HYDIN: variants seen among roughly 807,000 people sequenced by gnomAD.
The protein encoded by HYDIN is axonemal central pair apparatus protein HYDIN.
HYDIN carries 132 observed loss-of-function variants against 403.9 expected under a neutral mutation model. The ratio of observed to expected loss-of-function variants is 0.33; its 90% CI spans 0.28 to 0.38. The LOEUF is 0.38. Among genes scored for constraint, HYDIN ranks in the 10% least tolerant of loss-of-function variants. The pLI, the probability that HYDIN is intolerant of heterozygous loss-of-function variation, is 1.00. For missense variants in HYDIN, 2,827 were observed against 5,009.5 expected, an observed-to-expected ratio of 0.56 and a Z score of 13.15; for synonymous variants, 1,202 against 1,891.7, an observed-to-expected ratio of 0.64 and a Z score of 9.46.
chr16:71,189,550 G>A (rs1389425748), intron 1 of HYDIN, among the ~76,000 whole-genome samples: 6 of 151,974 alleles, frequency 3.9e-5, no homozygotes, highest in South Asian at 2.1e-4. Flanking sequence ...GGCGGATCAC[G>A]CGGTCAGGAG....
intron 3 of HYDIN, among the ~76,000 whole-genome samples, chr16:71,181,864 TAGAAATAC>T (rs1355059581): frequency 1.3e-5 from 2 of 151,852 alleles, no homozygotes; most frequent in Non-Finnish European, 2.9e-5. Context: ...ACAAAAAATA[TAGAAATAC>T]AGAACATAAA....
chr16:70,839,930 A>G (rs2037699879), intron 76 of HYDIN, 134 bp downstream of exon 76: 1 of 575,588 alleles, frequency 1.7e-6, no homozygotes, highest in Admixed American at 3.1e-5. Context: ...CCTAGGATTC[A>G]TACCCACTTT....
chr16:70,810,111 T>C (rs575178799), intron 84 of HYDIN, 104 bp from the exon 85 acceptor site: 94 of 1,023,176 alleles, frequency 9.2e-5, no homozygotes, highest in Non-Finnish European at 1.4e-4. Flanking sequence ...GCAGAAATAG[T>C]GCACATGATC....
chr16:71,193,337 T>C (rs2087529389), intron 1 of HYDIN, among the ~76,000 whole-genome samples: 1 of 152,238 alleles, frequency 6.6e-6, no homozygotes, highest in African/African-American at 2.4e-5. Flanking sequence ...CTTCCAATGT[T>C]TCTACTTAAC....
intron 17 of HYDIN, among the ~76,000 whole-genome samples, chr16:71,061,630 T>C (rs1282894837): frequency 6.6e-6 from 1 of 152,074 alleles, no homozygotes; most frequent in Non-Finnish European, 1.5e-5. Context: ...TAGGCTAATA[T>C]GAGCCATGAG....
intron 15 of HYDIN, among the ~76,000 whole-genome samples, chr16:71,066,246 A>G (rs568965891): frequency 6.6e-6 from 1 of 152,324 alleles, no homozygotes; most frequent in East Asian, 1.9e-4. Context: ...AAAGGACCAC[A>G]TTAGGGTTTT....
intron 1 of HYDIN, among the ~76,000 whole-genome samples, chr16:71,210,600 C>T: frequency 6.6e-6 from 1 of 151,772 alleles, no homozygotes; most frequent in East Asian, 1.9e-4. Flanking sequence ...TACATTCAAC[C>T]CCCAAATCAC....
intron 59 of HYDIN, 76 bp from the exon 60 acceptor site, chr16:70,882,971 C>T: frequency 8.4e-7 from 1 of 1,190,122 alleles, no homozygotes; most frequent in Non-Finnish European, 1.2e-6. Context: ...ATTTGGAACT[C>T]TGGATTCTCA....
Position 70,920,875 on chromosome 16 carries a change from G to T in HYDIN, c.7501C>A (p.Pro2501Thr). The T allele has an allele frequency of 6.2e-7, 1 of 1,608,054 alleles. No individual in the cohort carries two copies. The highest frequency in any genetic ancestry group is 1.1e-5 in the South Asian group (1 of 90,480). Residue 2501 changes from proline (P) to threonine (T), a missense_variant, in exon 46 of 86, where the codon CCC (proline) becomes ACC (threonine). Transcript: ENST00000393567. ...PHEPDDQRQV[P>T]LGGRRGRKDR... ...TTGCGGCCCCTGCGCCCACCCAAGG[G>T]GACCTGGCGCTGGTCGTCGGGCTCA...
chr16:70,938,688 A>G lies in HYDIN; in HGVS notation c.6921T>C (p.Tyr2307=), dbSNP rs369621670. 2 of 1,613,618 alleles carry G rather than the reference A, an allele frequency of 1.2e-6. No homozygotes were observed. Among genetic ancestry groups the G allele is most frequent in the African/African-American group, 1.3e-5 (1 of 74,918 alleles). The change falls in exon 44 of 86, where the codon TAT becomes TAC. Residue 2307 remains tyrosine (Y), a synonymous_variant. Coordinates refer to ENST00000393567, the MANE Select transcript of HYDIN (RefSeq NM_001270974.2). ...ERLQNMDEEE[Y]DALTEEEKLT... is the part of the protein sequence containing the mutation. ...GTTTCTCCTCCTCAGTCAGGGCATC[A>G]TATTCTTCCTCATCCATGTTTTGGA...
chr16:71,217,344 A>G (rs930465510), intron 1 of HYDIN, among the ~76,000 whole-genome samples: 9 of 152,188 alleles, frequency 5.9e-5, no homozygotes, highest in Non-Finnish European at 8.8e-5. Context: ...CTTTCTCCAG[A>G]ATGAGGAGCC....
chr16:70,859,366 C>T (rs2143611758), intron 71 of HYDIN, among the ~76,000 whole-genome samples: 1 of 152,256 alleles, frequency 6.6e-6, no homozygotes, highest in East Asian at 1.9e-4. Context: ...GAGTTGGCCC[C>T]CTTGGCCCCC....
At chr16:70,910,252 C>A (rs1597295837) in intron 47 of HYDIN, among the ~76,000 whole-genome samples, 2 of 152,168 alleles carry the variant, frequency 1.3e-5, no homozygotes, top group South Asian at 4.1e-4. Flanking sequence ...ACCCTTCCCC[C>A]CAAGTCCCCA....
intron 23 of HYDIN, among the ~76,000 whole-genome samples, chr16:70,998,851 C>T (rs1376471421): frequency 6.6e-6 from 1 of 151,936 alleles, no homozygotes; most frequent in African/African-American, 2.4e-5. Flanking sequence ...GATCATCCTA[C>T]ATTGGGAAGC....
At chr16:70,859,409 C>T (rs1206731789) in intron 71 of HYDIN, among the ~76,000 whole-genome samples, 1 of 152,252 alleles carries the variant, frequency 6.6e-6, no homozygotes, top group Admixed American at 6.5e-5. Context: ...ACCAGAGAAG[C>T]CCTGTGGCCA....
intron 11 of HYDIN, among the ~76,000 whole-genome samples, chr16:71,092,555 G>C (rs1389882168): frequency 6.6e-6 from 1 of 152,054 alleles, no homozygotes; most frequent in African/African-American, 2.4e-5. Context: ...CTCACAAATA[G>C]GTTTTTATTG....
intron 17 of HYDIN, among the ~76,000 whole-genome samples, chr16:71,061,618 A>T (rs2082082203): frequency 6.6e-6 from 1 of 152,108 alleles, no homozygotes; most frequent in African/African-American, 2.4e-5. Flanking sequence ...CATTAGCTTG[A>T]GTAGGCTAAT....
intron 38 of HYDIN, among the ~76,000 whole-genome samples, chr16:70,960,383 T>G (rs1012438471): frequency 5.0e-5 from 7 of 140,172 alleles, no homozygotes. Context: ...TGAGTAGTTT[T>G]GGCAGAGACT....
chr16:70,962,794 G>A (rs1271803647), intron 37 of HYDIN, among the ~76,000 whole-genome samples: 1 of 146,734 alleles, frequency 6.8e-6, no homozygotes, highest in Non-Finnish European at 1.5e-5. Flanking sequence ...AGGGGTTGCA[G>A]CTCTCTCATG....
Sources: allele counts gnomAD v4.1 joint callset (sites outside exome capture counted in the v4.1 genomes callset), GRCh38; gene constraint gnomAD v4.1.1; transcripts MANE v1.5; gene names NCBI Gene and HGNC (gene_info 2026-07-23, HGNC 2026-07-21).